The following PGCKA1 variants were observed in gnomAD, a reference collection of about 807,000 sequenced individuals.
PGCKA1 encodes PDCD10 and GCKIII kinases associated 1, also known as PDCD10 and GCKIII kinases-associated protein 1.
the PGCKA1 span, among the ~76,000 whole-genome samples, chr4:37,473,707 G>A: frequency 4.3e-4 from 65 of 152,234 alleles, no homozygotes; most frequent in African/African-American, 1.5e-3. Flanking sequence ...GTGTGTCCCT[G>A]GTCTTTCTTC....
chr4:37,519,748 C>T, the PGCKA1 span, among the ~76,000 whole-genome samples: 1 of 152,144 alleles, frequency 6.6e-6, no homozygotes, highest in Non-Finnish European at 1.5e-5. Context: ...TTTGGATGCC[C>T]TTTATATCTT....
the PGCKA1 span, chr4:37,588,471 G>C: frequency 3.6e-5 from 6 of 168,736 alleles, no homozygotes; most frequent in South Asian, 1.0e-3. Flanking sequence ...GCAGTGGGCC[G>C]TGCCCTGGTG....
chr4:37,509,689 A>G, the PGCKA1 span, among the ~76,000 whole-genome samples: 11 of 151,366 alleles, frequency 7.3e-5, no homozygotes, highest in Admixed American at 2.0e-4. Context: ...CACTGAGTGA[A>G]CGAGACTCCA....
chr4:37,527,135 TAA>T, the PGCKA1 span, among the ~76,000 whole-genome samples: 3 of 152,040 alleles, frequency 2.0e-5, no homozygotes, highest in African/African-American at 7.2e-5. Flanking sequence ...GTATATATAA[TAA>T]GACTATAAAG....
At chr4:37,527,883 C>T in the PGCKA1 span, among the ~76,000 whole-genome samples, 28 of 151,966 alleles carry the variant, frequency 1.8e-4, no homozygotes, top group South Asian at 1.0e-3. Flanking sequence ...AGTACAGTAA[C>T]GCACCATACA....
the PGCKA1 span, among the ~76,000 whole-genome samples, chr4:37,491,401 T>C: frequency 6.6e-6 from 1 of 152,248 alleles, no homozygotes; most frequent in Non-Finnish European, 1.5e-5. Context: ...TATTCAGAAA[T>C]GGGGCATATG....
chr4:37,548,149 T>C, the PGCKA1 span, among the ~76,000 whole-genome samples: 2 of 151,786 alleles, frequency 1.3e-5, no homozygotes, highest in African/African-American at 4.8e-5. Context: ...CGTTGAAAAA[T>C]TGTCTGTGAA....
the PGCKA1 span, among the ~76,000 whole-genome samples, chr4:37,572,105 C>G: frequency 3.2e-4 from 44 of 138,128 alleles, no homozygotes; most frequent in African/African-American, 1.1e-3. Context: ...CTCTGTCGCC[C>G]AGGCTGGAGT....
chr4:37,542,320 C>A, the PGCKA1 span, among the ~76,000 whole-genome samples: 1 of 152,196 alleles, frequency 6.6e-6, no homozygotes, highest in African/African-American at 2.4e-5. Flanking sequence ...GGTGCTCAAA[C>A]CGTATCAGGA....
At chr4:37,517,596 A>G in the PGCKA1 span, among the ~76,000 whole-genome samples, 1 of 152,078 alleles carries the variant, frequency 6.6e-6, no homozygotes, top group African/African-American at 2.4e-5. Flanking sequence ...GGAGTCTGCC[A>G]GTCAGTTTTC....
the PGCKA1 span, among the ~76,000 whole-genome samples, chr4:37,556,269 G>GT: frequency 0.012 from 1,132 of 98,092 alleles, 4 homozygotes; most frequent in Middle Eastern, 0.029. Flanking sequence ...GTTTTGTTTT[G>GT]TTTTTTTGTT....
chr4:37,500,167 G>C, the PGCKA1 span, among the ~76,000 whole-genome samples: 8 of 152,114 alleles, frequency 5.3e-5, no homozygotes, highest in South Asian at 1.7e-3. Context: ...CTCGTGATCT[G>C]TCCGCCTCAG....
the PGCKA1 span, among the ~76,000 whole-genome samples, chr4:37,573,727 T>A: frequency 6.6e-6 from 1 of 152,216 alleles, no homozygotes; most frequent in South Asian, 2.1e-4. Flanking sequence ...TCTTCTTGCA[T>A]ACTACTAATT....
chr4:37,518,609 G>C, the PGCKA1 span, among the ~76,000 whole-genome samples: 1 of 152,056 alleles, frequency 6.6e-6, no homozygotes, highest in Non-Finnish European at 1.5e-5. Flanking sequence ...GCCCGTTTTT[G>C]ATCAGATTAT....
the PGCKA1 span, among the ~76,000 whole-genome samples, chr4:37,469,033 G>A: frequency 9.9e-5 from 15 of 152,138 alleles, no homozygotes; most frequent in African/African-American, 3.1e-4. Context: ...TTATAATACC[G>A]TATTTTTACT....
At chr4:37,458,377 G>A in the PGCKA1 span, among the ~76,000 whole-genome samples, 2 of 151,282 alleles carry the variant, frequency 1.3e-5, no homozygotes, top group Non-Finnish European at 2.9e-5. Flanking sequence ...ATCTATTGCT[G>A]TGTAACAAAT....
chr4:37,565,304 G>A, the PGCKA1 span, among the ~76,000 whole-genome samples: 3 of 152,064 alleles, frequency 2.0e-5, no homozygotes, highest in East Asian at 1.9e-4. Flanking sequence ...CAAAACCTTC[G>A]CATGGGGCCA....
the PGCKA1 span, among the ~76,000 whole-genome samples, chr4:37,455,304 G>A: frequency 6.6e-6 from 1 of 152,196 alleles, no homozygotes; most frequent in Non-Finnish European, 1.5e-5. Flanking sequence ...ACTGTCAGGA[G>A]GCAGATAATT....
the PGCKA1 span, among the ~76,000 whole-genome samples, chr4:37,574,156 C>G: frequency 6.6e-6 from 1 of 151,868 alleles, no homozygotes; most frequent in African/African-American, 2.4e-5. Flanking sequence ...CCACTATACT[C>G]CAGCCTGGGT....
Sources: gnomAD v4.1 joint callset for allele counts (sites outside exome capture counted in the v4.1 genomes callset) on GRCh38, gnomAD v4.1.1 for gene constraint, MANE v1.5 for transcripts, NCBI Gene and HGNC (gene_info 2026-07-23, HGNC 2026-07-21) for gene names.